The following RFTN2 variants were observed in gnomAD, a reference collection of about 807,000 sequenced individuals.
The protein encoded by RFTN2 is raftlin family member 2.
Under a neutral mutation model 52.7 loss-of-function variants are expected in RFTN2, and 34 were observed. The ratio of observed to expected loss-of-function variants is 0.64; its 90% confidence interval spans 0.49 to 0.86. The LOEUF is 0.86. RFTN2 is among the 40% of genes least tolerant of loss of function. The probability of loss-of-function intolerance (pLI) is 0.00; values close to 1 mark genes in which losing one functional copy is unlikely to be tolerated. For missense variants in RFTN2, 536 were observed against 600.1 expected, an observed-to-expected ratio of 0.89 and a Z score of 1.12; for synonymous variants, 203 against 217.7, an observed-to-expected ratio of 0.93 and a Z score of 0.59.
chr2:197,626,895 G>C (rs1401985766), intron 5 of RFTN2, among the ~76,000 whole-genome samples: 1 of 152,112 alleles, frequency 6.6e-6, no homozygotes, highest in Non-Finnish European at 1.5e-5. Flanking sequence ...TGGGATTACA[G>C]GCGTGAGCCA....
At chr2:197,660,657 G>A (rs1347735822) in intron 1 of RFTN2, among the ~76,000 whole-genome samples, 1 of 151,764 alleles carries the variant, frequency 6.6e-6, no homozygotes, top group Non-Finnish European at 1.5e-5. Flanking sequence ...CCAGGTTCAA[G>A]TGATTCTCGT....
At chr2:197,616,734 T>G (rs1428020718) in intron 6 of RFTN2, among the ~76,000 whole-genome samples, 1 of 152,112 alleles carries the variant, frequency 6.6e-6, no homozygotes, top group East Asian at 1.9e-4. Context: ...TGAGAGGCGC[T>G]TGGGTGTGGG....
rs1479635872 is a variant in RFTN2 at position 197,631,156 on chromosome 2, A to G, written c.783T>C (p.Tyr261=). The G allele has an allele frequency of 8.1e-6, 13 of 1,613,588 alleles. No homozygotes were observed. The highest frequency in any genetic ancestry group is 2.2e-5 in the East Asian group (1 of 44,832). Residue 261 remains tyrosine (Y), a synonymous_variant, in exon 5 of 9, where the codon TAT becomes TAC. Coordinates refer to ENST00000295049, the MANE Select transcript of RFTN2 (RefSeq NM_144629.3). The part of the protein sequence containing the change: ...AFDDDSTSWA[Y]QEGILSMKVT... The stretch of plus-strand genomic sequence containing the variant: ...CTTTCATTGACAGGATGCCTTCCTG[A>G]TAGGCCCAGGAGGTTGAATCATCAT...
In RFTN2 at chr2:197,615,864, C is replaced by T; in HGVS notation, c.1154+12G>A. On this transcript the variant is annotated intron_variant, in intron 7 of 8. Transcript: ENST00000295049. Reference sequence around the variant, plus strand: ...AATTAAATGATAGTATGTAAGGATACTTTTGCCTTACCTGTCATGTCTCAA... The same window carrying T: ...AATTAAATGATAGTATGTAAGGATATTTTTGCCTTACCTGTCATGTCTCAA... 7.1e-7 allele frequency: 1 copy of T among 1,406,144 alleles called. No individual in the cohort carries two copies. Among genetic ancestry groups the T allele is most frequent in the Non-Finnish European group, 9.8e-7 (1 of 1,015,730 alleles). 87.1% of individuals were successfully genotyped at this position (1,406,144 alleles called of 1,614,324 possible).
rs777365456 is a variant in RFTN2, at chr2:197,631,011, C to A, written c.928G>T (p.Gly310Trp). Residue 310 changes from glycine to tryptophan, a missense_variant and splice_region_variant, in exon 5 of 9, where the codon GGG becomes TGG. Gly to Trp is a radical substitution (Grantham distance 184). Transcript: ENST00000295049. Reference protein sequence around the residue: ...DSFVFWETSKGEHLPKSLEGF... With the variant: ...DSFVFWETSKWEHLPKSLEGF... ...AAAATATCATTAACATAAAACTTAC[C>A]TTTAGATGTTTCCCAGAATACAAAA... The A allele has an allele frequency of 1.3e-6, 2 of 1,576,060 alleles. No individual in the cohort carries two copies. Among genetic ancestry groups the A allele is most frequent in the South Asian group, 2.2e-5 (2 of 89,662 alleles).
chr2:197,597,481 C>T (rs911831951), intron 7 of RFTN2, among the ~76,000 whole-genome samples: 1 of 152,024 alleles, frequency 6.6e-6, no homozygotes, highest in African/African-American at 2.4e-5. Context: ...TAGCTGACGC[C>T]TTTAATCATT....
intron 1 of RFTN2, among the ~76,000 whole-genome samples, chr2:197,664,035 A>C (rs182697867): frequency 8.2e-4 from 125 of 152,124 alleles, no homozygotes; most frequent in African/African-American, 3.0e-3. Context: ...TTTCCTTCTT[A>C]ATTTCTTCAT....
intron 5 of RFTN2, among the ~76,000 whole-genome samples, chr2:197,625,231 GCA>G (rs2106223631): frequency 6.6e-6 from 1 of 152,262 alleles, no homozygotes; most frequent in Non-Finnish European, 1.5e-5. Flanking sequence ...GTTATATTCT[GCA>G]AACTTGTGAA....
Position 197,619,040 on chromosome 2 carries a change from C to T in RFTN2, c.929-1119G>A, listed in dbSNP as rs533832857. 9.4e-4 allele frequency among the ~76,000 whole-genome samples: 142 copies of T among 151,048 alleles called. 1 individual carries two copies. The highest frequency in any genetic ancestry group is 3.3e-3 in the African/African-American group (137 of 41,132). ...TCAGCCCCCTGCCCGGCCAGCCGCC[C>T]TGTCCGGGAGGTGAGGGGTGCCTCT... is the stretch of plus-strand genomic sequence containing the variant. On this transcript the variant is annotated intron_variant, in intron 5 of 8. Transcript: ENST00000295049.
chr2:197,575,265 G>T (rs2087392846), intron 8 of RFTN2, among the ~76,000 whole-genome samples: 1 of 152,208 alleles, frequency 6.6e-6, no homozygotes, highest in Non-Finnish European at 1.5e-5. Context: ...ATGTGGAACT[G>T]TGAGTCAATT....
rs1030777915 is a variant in RFTN2 at position 197,569,451 on chromosome 2, C to A, written c.*2557G>T. 1 of 152,084 alleles carries A rather than the reference C, an allele frequency of 6.6e-6. No individual in the cohort carries two copies. 9.4% of individuals were successfully genotyped at this position (152,084 alleles called of 1,614,324 possible). ...TAGAACCACTTGATCATAAATTATTCGCTATCATACAAATTCATCACATAA... is the reference window on the plus strand; with the variant it reads ...TAGAACCACTTGATCATAAATTATTAGCTATCATACAAATTCATCACATAA... On this transcript the variant is annotated 3_prime_UTR_variant, in exon 9 of 9. Transcript: ENST00000295049.
At chr2:197,608,334 CAG>C (rs2087995526) in intron 7 of RFTN2, among the ~76,000 whole-genome samples, 1 of 140,042 alleles carries the variant, frequency 7.1e-6, no homozygotes, top group African/African-American at 2.7e-5. Context: ...TTTTTTGAGA[CAG>C]AGTCTCACTC....
At chr2:197,577,193 T>C (rs1002255695) in intron 8 of RFTN2, among the ~76,000 whole-genome samples, 6 of 152,272 alleles carry the variant, frequency 3.9e-5, no homozygotes, top group African/African-American at 1.4e-4. Flanking sequence ...TCTGACAACC[T>C]TGGGCACATG....
intron 6 of RFTN2, 57 bp downstream of exon 6, chr2:197,617,743 A>G (rs1489996997): frequency 3.4e-6 from 2 of 595,556 alleles, no homozygotes; most frequent in East Asian, 1.3e-4. Context: ...ACATATATAT[A>G]TATTATATAT....
chr2:197,655,948 C>A (rs939648734), intron 1 of RFTN2, among the ~76,000 whole-genome samples: 8 of 152,164 alleles, frequency 5.3e-5, no homozygotes, highest in African/African-American at 1.7e-4. Context: ...TAGCACCCAG[C>A]ACAGAGATGA....
intron 1 of RFTN2, among the ~76,000 whole-genome samples, chr2:197,647,487 G>A (rs1159745265): frequency 2.6e-5 from 4 of 151,930 alleles, no homozygotes; most frequent in Non-Finnish European, 4.4e-5. Flanking sequence ...TGGGATTATA[G>A]GTGTGAGCCA....
intron 1 of RFTN2, among the ~76,000 whole-genome samples, chr2:197,647,223 T>A (rs2088766098): frequency 6.6e-6 from 1 of 152,062 alleles, no homozygotes; most frequent in African/African-American, 2.4e-5. Flanking sequence ...TTTCTTTTCT[T>A]TTCTTTTTTT....
At chr2:197,632,203 C>G (rs2088479354) in intron 4 of RFTN2, among the ~76,000 whole-genome samples, 1 of 152,170 alleles carries the variant, frequency 6.6e-6, no homozygotes, top group Non-Finnish European at 1.5e-5. Flanking sequence ...GACCATAATT[C>G]TGATACCTCT....
In RFTN2 at chr2:197,579,473, T is replaced by G. The variant is rs187582521; in HGVS notation, c.1234-7193A>C. ...TTTTCTTCTCCAATGCCACTTGACT[T>G]CAATGCAAACTCAACAATTGTTCCA... On this transcript the variant is annotated intron_variant, in intron 8 of 8. Coordinates refer to ENST00000295049, the MANE Select transcript of RFTN2 (RefSeq NM_144629.3). Among the ~76,000 whole-genome samples, 77 of 152,292 alleles carry G rather than the reference T, an allele frequency of 5.1e-4. 2 individuals carry two copies. The South Asian group carries it at 8.3e-3, about 16-fold the overall frequency.
Sources: allele counts gnomAD v4.1 joint callset (sites outside exome capture counted in the v4.1 genomes callset), GRCh38; gene constraint gnomAD v4.1.1; transcripts MANE v1.5; gene names NCBI Gene and HGNC (gene_info 2026-07-23, HGNC 2026-07-21).